GSR: variants seen among roughly 807,000 people sequenced by gnomAD.
GSR encodes glutathione reductase, mitochondrial.
A neutral mutation model predicts 56.5 loss-of-function variants in GSR; 48 were observed. That is an observed-to-expected ratio of 0.85 (90% CI 0.67 to 1.08). The LOEUF (loss-of-function observed/expected upper bound fraction) is 1.08. Among genes scored for constraint, GSR ranks in the 50% least tolerant of loss-of-function variants. The pLI is 0.00. For missense variants in GSR, 694 were observed against 703.3 expected (o/e 0.99, Z 0.15); for synonymous variants, 264 against 270.8 (o/e 0.97, Z 0.25).
intron 1 of GSR, among the ~76,000 whole-genome samples, chr8:30,720,784 A>G (rs1372643858): frequency 6.6e-6 from 1 of 152,250 alleles, no homozygotes; most frequent in African/African-American, 2.4e-5. Flanking sequence ...TAAGCAGAAC[A>G]TTAACCTGAA....
In GSR at chr8:30,682,071, T is replaced by C. The variant is rs186279223; in HGVS notation, c.1154-10A>G. The C allele has an allele frequency of 5.6e-6, 9 of 1,610,884 alleles. No homozygotes were observed. The highest frequency in any genetic ancestry group is 6.8e-6 in the Non-Finnish European group (8 of 1,177,066). On this transcript the variant is annotated splice_polypyrimidine_tract_variant and intron_variant, in intron 10 of 12. Transcript: ENST00000221130. Reference sequence around the variant, plus strand: ...CCAGCAGCTATTGCAACTATGGAGATATTTTAAAATCAGTGTTTATCTTAC... The same window carrying C: ...CCAGCAGCTATTGCAACTATGGAGACATTTTAAAATCAGTGTTTATCTTAC...
intron 7 of GSR, among the ~76,000 whole-genome samples, chr8:30,694,852 T>G (rs936407174): frequency 6.9e-6 from 1 of 145,332 alleles, no homozygotes; most frequent in African/African-American, 2.6e-5. Context: ...TGAGCCATGA[T>G]GTGCCACCGC....
chr8:30,689,116 T>A, intron 9 of GSR, 45 bp downstream of exon 9: 1 of 1,579,814 alleles, frequency 6.3e-7, no homozygotes, highest in Non-Finnish European at 8.7e-7. Context: ...ACCATAAGAC[T>A]CCTAGTAGAT....
rs8190886 is a variant in GSR at position 30,727,237 on chromosome 8, C to T, written c.306+293G>A. Among the ~76,000 whole-genome samples, 381 of 152,356 alleles carry T rather than the reference C, an allele frequency of 2.5e-3. 3 individuals carry two copies. The East Asian group carries it at 0.039, about 16-fold the overall frequency. On this transcript the variant is annotated intron_variant, in intron 1 of 12. Transcript: ENST00000221130. Reference sequence around the variant, plus strand: ...AAGAACAGAATCCAATCCTCTCCCACTTGGACAAGTGAGGATGGAGGAAGG... The same window carrying T: ...AAGAACAGAATCCAATCCTCTCCCATTTGGACAAGTGAGGATGGAGGAAGG...
intron 1 of GSR, among the ~76,000 whole-genome samples, chr8:30,725,604 G>A (rs1450119921): frequency 6.7e-6 from 1 of 150,064 alleles, no homozygotes; most frequent in African/African-American, 2.5e-5. Flanking sequence ...AAAATTAGCT[G>A]GGTGTGGTGG....
chr8:30,717,676 C>G (rs1307282672), intron 1 of GSR, among the ~76,000 whole-genome samples: 1 of 152,064 alleles, frequency 6.6e-6, no homozygotes, highest in Admixed American at 6.6e-5. Context: ...TGTCTCCCAT[C>G]AGCCCCAGAT....
intron 8 of GSR, among the ~76,000 whole-genome samples, chr8:30,690,142 A>G (rs1014110198): frequency 6.0e-5 from 8 of 132,694 alleles, no homozygotes; most frequent in African/African-American, 1.9e-4. Flanking sequence ...ATACATTTAC[A>G]TATAAATAAA....
chr8:30,694,843 G>A (rs1803493321), intron 7 of GSR, among the ~76,000 whole-genome samples: 1 of 147,370 alleles, frequency 6.8e-6, no homozygotes, highest in African/African-American at 2.5e-5. Flanking sequence ...AGGCTGCAAT[G>A]AGCCATGATG....
intron 4 of GSR, chr8:30,706,865 GGTA>G (rs1803937689): frequency 6.6e-6 from 1 of 152,130 alleles, no homozygotes; most frequent in Non-Finnish European, 1.5e-5. Context: ...GGCCAGGTGC[GGTA>G]GCTCACGCCT....
intron 9 of GSR, among the ~76,000 whole-genome samples, chr8:30,688,578 CAA>C (rs57690198): frequency 3.1e-4 from 25 of 81,532 alleles, no homozygotes; most frequent in South Asian, 1.0e-3. Flanking sequence ...GACCCTGTCT[CAA>C]AAAAAAAAAA....
At chr8:30,690,246 G>A (rs985723488) in intron 8 of GSR, among the ~76,000 whole-genome samples, 2 of 151,054 alleles carry the variant, frequency 1.3e-5, no homozygotes, top group Non-Finnish European at 2.9e-5. Flanking sequence ...GGCAAGATCA[G>A]CCTCCTGGAC....
chr8:30,684,398 C>A (rs1465477), intron 9 of GSR, among the ~76,000 whole-genome samples, 199 bp from the exon 10 acceptor site: 1 of 151,846 alleles, frequency 6.6e-6, no homozygotes, highest in Non-Finnish European at 1.5e-5. Context: ...ACACCTGTAA[C>A]CCCAGAACTT....
At chr8:30,690,986 A>G (rs543518580) in intron 8 of GSR, among the ~76,000 whole-genome samples, 1 of 151,932 alleles carries the variant, frequency 6.6e-6, no homozygotes, top group Non-Finnish European at 1.5e-5. Context: ...CAGGAGTTGG[A>G]GACTGCAGTG....
intron 5 of GSR, among the ~76,000 whole-genome samples, chr8:30,702,535 C>T (rs542574920): frequency 1.9e-4 from 29 of 152,200 alleles, no homozygotes; most frequent in Non-Finnish European, 4.1e-4. Context: ...AAATAACAAC[C>T]CGTCTGACAA....
At chr8:30,697,453 A>AC (rs1586047271) in intron 6 of GSR, among the ~76,000 whole-genome samples, 1 of 150,744 alleles carries the variant, frequency 6.6e-6, no homozygotes, top group Non-Finnish European at 1.5e-5. Flanking sequence ...AAACAAACAA[A>AC]AAACCCCTAA....
intron 1 of GSR, among the ~76,000 whole-genome samples, chr8:30,713,257 G>A (rs550973555): frequency 3.0e-4 from 46 of 152,134 alleles, no homozygotes; most frequent in Admixed American, 1.3e-3. Context: ...TGCTGGTCTC[G>A]AACTACTGAC....
At chr8:30,707,929 C>T in intron 4 of GSR, 143 bp downstream of exon 4, 1 of 522,162 alleles carries the variant, frequency 1.9e-6, no homozygotes, top group Non-Finnish European at 3.3e-6. Context: ...TGCACTCCAG[C>T]CTGGGCGACA....
chr8:30,712,103 AAG>A lies in GSR; in HGVS notation c.307-17_307-16del. On this transcript the variant is annotated splice_polypyrimidine_tract_variant and intron_variant, in intron 1 of 12. Coordinates refer to ENST00000221130, the MANE Select transcript of GSR (RefSeq NM_000637.5). The stretch of plus-strand genomic sequence containing the variant: ...CCAACATTCACCTGGAAAAAAAAAA[AAG>A]AGACACACTTTAAGAATATTGAATT... 7.2e-7 allele frequency: 1 copy of A among 1,395,378 alleles called. No homozygotes were observed. The highest frequency in any genetic ancestry group is 1.2e-5 in the South Asian group (1 of 82,306). 86.4% of individuals were successfully genotyped at this position (1,395,378 alleles called of 1,614,324 possible).
At chr8:30,680,476 C>T (rs900815295) in intron 12 of GSR, among the ~76,000 whole-genome samples, 2 of 138,492 alleles carry the variant, frequency 1.4e-5, no homozygotes, top group African/African-American at 5.3e-5. Flanking sequence ...CTCACTGCAA[C>T]CTCCGCCTCC....
Sources: gnomAD v4.1 joint callset for allele counts (sites outside exome capture counted in the v4.1 genomes callset) on GRCh38, gnomAD v4.1.1 for gene constraint, MANE v1.5 for transcripts, NCBI Gene and HGNC (gene_info 2026-07-23, HGNC 2026-07-21) for gene names.